CMSS1: variants seen among roughly 807,000 people sequenced by gnomAD.
CMSS1 encodes the protein protein CMSS1.
Under a neutral mutation model 43.5 loss-of-function variants are expected in CMSS1, and 33 were observed. The observed-to-expected ratio is 0.76, with a 90% CI of 0.57 to 1.01. The LOEUF is 1.01. CMSS1 is among the 50% of genes least tolerant of loss of function. The pLI, the probability that CMSS1 is intolerant of heterozygous loss-of-function variation, is 0.00. For synonymous variants in CMSS1, 115 were observed against 117.2 expected (o/e 0.98, Z 0.12); for missense variants, 313 against 326.4 (o/e 0.96, Z 0.32).
intron 1 of CMSS1, among the ~76,000 whole-genome samples, chr3:99,835,564 G>A (rs1471010826): frequency 6.6e-6 from 1 of 152,188 alleles, no homozygotes; most frequent in African/African-American, 2.4e-5. Flanking sequence ...TGCCCAGAGA[G>A]CCTGTTAGGA....
At chr3:100,064,926 G>A (rs1263433322) in intron 1 of CMSS1, among the ~76,000 whole-genome samples, 3 of 152,170 alleles carry the variant, frequency 2.0e-5, no homozygotes, top group Non-Finnish European at 4.4e-5. Context: ...ATGTATTGCT[G>A]TTGCTGCCTA....
intron 1 of CMSS1, among the ~76,000 whole-genome samples, chr3:100,081,370 G>A (rs2065929321): frequency 6.6e-6 from 1 of 152,114 alleles, no homozygotes; most frequent in Non-Finnish European, 1.5e-5. Context: ...TTATGCTTTT[G>A]GAAACCCAGC....
chr3:99,876,534 T>G (rs1447466460), intron 1 of CMSS1, among the ~76,000 whole-genome samples: 2 of 152,262 alleles, frequency 1.3e-5, no homozygotes, highest in Admixed American at 1.3e-4. Context: ...GTTATTCTTA[T>G]GTAAACTTTT....
chr3:100,018,022 G>A (rs1710395018), intron 1 of CMSS1, among the ~76,000 whole-genome samples: 1 of 152,016 alleles, frequency 6.6e-6, no homozygotes, highest in African/African-American at 2.4e-5. Context: ...GTTGTGCACA[G>A]TGACCAATAT....
intron 1 of CMSS1, among the ~76,000 whole-genome samples, chr3:99,936,476 A>C (rs112715222): frequency 7.8e-5 from 9 of 115,316 alleles, no homozygotes; most frequent in South Asian, 2.9e-4. Context: ...CCTGGGTTCA[A>C]GCAATTCTCC....
At chr3:99,934,363 G>A (rs1707589422) in intron 1 of CMSS1, among the ~76,000 whole-genome samples, 1 of 152,210 alleles carries the variant, frequency 6.6e-6, no homozygotes. Context: ...TAGTTTAAAA[G>A]AGGAGCGAAA....
chr3:99,983,440 ATGTATGTATATATATATATGTGTG>A (rs1709207593), intron 1 of CMSS1, among the ~76,000 whole-genome samples: 4 of 37,916 alleles, frequency 1.1e-4, no homozygotes, highest in African/African-American at 2.8e-4. Flanking sequence ...ATGTATATAT[ATGTATGTATATATATATATGTGTG>A]TATATATATA....
At chr3:99,869,042 C>G (rs977541861) in intron 1 of CMSS1, among the ~76,000 whole-genome samples, 1 of 152,126 alleles carries the variant, frequency 6.6e-6, no homozygotes, top group Non-Finnish European at 1.5e-5. Flanking sequence ...GAACCACTTC[C>G]TAGGGGAGTA....
At chr3:99,897,317 C>T (rs944597846) in intron 1 of CMSS1, among the ~76,000 whole-genome samples, 4 of 151,594 alleles carry the variant, frequency 2.6e-5, no homozygotes, top group South Asian at 2.1e-4. Context: ...TGCAGGGAGC[C>T]GAGATTGCAC....
intron 2 of CMSS1, among the ~76,000 whole-genome samples, chr3:100,149,287 A>C (rs2066881915): frequency 6.6e-6 from 1 of 152,212 alleles, no homozygotes; most frequent in African/African-American, 2.4e-5. Context: ...CCAGAGGCTC[A>C]GAGAGATGGG....
At chr3:100,002,049 T>C (rs902709407) in intron 1 of CMSS1, among the ~76,000 whole-genome samples, 1 of 152,194 alleles carries the variant, frequency 6.6e-6, no homozygotes, top group African/African-American at 2.4e-5. Context: ...TGGTGATGCG[T>C]GTGTGACTGT....
intron 1 of CMSS1, among the ~76,000 whole-genome samples, chr3:99,991,890 A>T (rs1709525540): frequency 6.7e-6 from 1 of 148,950 alleles, no homozygotes; most frequent in Admixed American, 6.7e-5. Flanking sequence ...ATATGTATAT[A>T]TGTGTGTATA....
intron 1 of CMSS1, among the ~76,000 whole-genome samples, chr3:100,080,248 A>G (rs977336360): frequency 1.7e-4 from 26 of 152,160 alleles, no homozygotes; most frequent in Non-Finnish European, 3.2e-4. Context: ...CTCCCAAAGT[A>G]TTGGGATTAC....
intron 2 of CMSS1, among the ~76,000 whole-genome samples, chr3:100,155,821 T>C (rs2107522672): frequency 6.6e-6 from 1 of 152,342 alleles, no homozygotes; most frequent in East Asian, 1.9e-4. Context: ...AAAGCATCAT[T>C]CCATTAAGTT....
intron 8 of CMSS1, among the ~76,000 whole-genome samples, chr3:100,174,428 G>A (rs1418797872): frequency 3.7e-4 from 56 of 151,098 alleles, no homozygotes; most frequent in Non-Finnish European, 3.0e-5. Flanking sequence ...AAGAGAAAAA[G>A]CAAAGCTATC....
At chr3:100,096,629 G>T (rs992220891) in intron 1 of CMSS1, among the ~76,000 whole-genome samples, 3 of 151,148 alleles carry the variant, frequency 2.0e-5, no homozygotes, top group Admixed American at 6.6e-5. Flanking sequence ...GTAGTAGGGG[G>T]TGGGGAGGAG....
intron 1 of CMSS1, among the ~76,000 whole-genome samples, chr3:99,933,168 A>G (rs1053619325): frequency 1.3e-5 from 2 of 152,230 alleles, no homozygotes; most frequent in African/African-American, 4.8e-5. Flanking sequence ...CTTAAAAATC[A>G]TGCCGTAATG....
intron 1 of CMSS1, among the ~76,000 whole-genome samples, chr3:100,018,183 G>A (rs553594904): frequency 6.1e-4 from 92 of 151,984 alleles, no homozygotes; most frequent in Middle Eastern, 3.4e-3. Flanking sequence ...AAAATTAGCC[G>A]GGCGTGGTGG....
chr3:99,916,343 C>T (rs1286279932), intron 1 of CMSS1, among the ~76,000 whole-genome samples: 1 of 152,050 alleles, frequency 6.6e-6, no homozygotes, highest in African/African-American at 2.4e-5. Context: ...GGCTACATGA[C>T]TGGCTTTCTT....
Sources: allele counts gnomAD v4.1 joint callset (sites outside exome capture counted in the v4.1 genomes callset), GRCh38; gene constraint gnomAD v4.1.1; transcripts MANE v1.5; gene names NCBI Gene and HGNC (gene_info 2026-07-23, HGNC 2026-07-21).